CWH43: variants seen among roughly 807,000 people sequenced by gnomAD.
The protein encoded by CWH43 is PGAP2-interacting protein.
Under a neutral mutation model 85.7 loss-of-function variants are expected in CWH43, and 91 were observed. The ratio of observed to expected loss-of-function variants is 1.06; its 90% CI spans 0.90 to 1.26. The LOEUF (loss-of-function observed/expected upper bound fraction) is 1.26. Ranked by LOEUF, CWH43 falls within the 50% of genes most tolerant of loss-of-function variation. The pLI is 0.00. For missense variants in CWH43, 869 were observed against 839.2 expected (o/e 1.04, Z -0.44); for synonymous variants, 323 against 293.6 (o/e 1.10, Z -1.02).
At chr4:49,025,431 T>A (rs1283976980) in intron 9 of CWH43, among the ~76,000 whole-genome samples, 1 of 152,196 alleles carries the variant, frequency 6.6e-6, no homozygotes, top group Non-Finnish European at 1.5e-5. Context: ...AAGATCCTTG[T>A]TTTGCCATAT....
rs1784313611 is a variant in CWH43 at position 49,038,044 on chromosome 4, T to G, written c.1667T>G (p.Leu556Arg). ...ATTTTTACATTTTTTAGAGATGACC[T>G]CGACAGGAAACTGCAGGCTATTGCT... ...VTHFGNHEDD[L>R]DRKLQAIAVS... The change falls in exon 13 of 16, where the codon CTC becomes CGC. Residue 556 changes from leucine (L) to arginine (R), a missense_variant. This residue lies in a region of CWH43 where 577 missense variants were observed against 513.1 expected (regional missense o/e 1.12). Coordinates refer to ENST00000226432, the MANE Select transcript of CWH43 (RefSeq NM_025087.3). 1.3e-6 allele frequency: 2 copies of G among 1,598,562 alleles called. No individual in the cohort carries two copies. Among genetic ancestry groups the G allele is most frequent in the African/African-American group, 2.7e-5 (2 of 74,134 alleles).
At chr4:49,027,220 G>C (rs926113990) in intron 9 of CWH43, among the ~76,000 whole-genome samples, 1 of 152,174 alleles carries the variant, frequency 6.6e-6, no homozygotes, top group Non-Finnish European at 1.5e-5. Context: ...GAGATAAATG[G>C]ATAGACTTAG....
intron 15 of CWH43, among the ~76,000 whole-genome samples, chr4:49,051,859 G>A (rs1308645044): frequency 6.6e-6 from 1 of 152,192 alleles, no homozygotes; most frequent in African/African-American, 2.4e-5. Flanking sequence ...TTACAGGTGT[G>A]AGCCACCGTG....
At chr4:49,010,233 A>G (rs774707384) in intron 8 of CWH43, among the ~76,000 whole-genome samples, 26 of 152,084 alleles carry the variant, frequency 1.7e-4, no homozygotes, top group Non-Finnish European at 3.4e-4. Flanking sequence ...GAATTTATCA[A>G]TGTCTTCTAG....
intron 9 of CWH43, among the ~76,000 whole-genome samples, chr4:49,026,436 C>T (rs1783918823): frequency 2.0e-5 from 3 of 152,056 alleles, no homozygotes; most frequent in Admixed American, 1.3e-4. Flanking sequence ...TGTGGGTCTC[C>T]GTGTGCTGCT....
chr4:48,986,723 G>A, intron 1 of CWH43: 1 of 1,338,006 alleles, frequency 7.5e-7, no homozygotes, highest in Non-Finnish European at 9.6e-7. Flanking sequence ...GTTCCCAGCA[G>A]CCCTGGGATT....
chr4:49,016,559 A>G (rs1783554122), intron 8 of CWH43: 1 of 687,878 alleles, frequency 1.5e-6, no homozygotes, highest in Non-Finnish European at 2.7e-6. Flanking sequence ...CCTGGTCTCA[A>G]CCATTACAGG....
intron 9 of CWH43, among the ~76,000 whole-genome samples, chr4:49,020,628 C>T (rs1783722933): frequency 6.6e-6 from 1 of 152,074 alleles, no homozygotes; most frequent in Non-Finnish European, 1.5e-5. Flanking sequence ...TTTAAGGAAT[C>T]TCCACACTGT....
intron 12 of CWH43, among the ~76,000 whole-genome samples, chr4:49,035,986 C>G (rs775481806): frequency 2.6e-5 from 4 of 152,052 alleles, no homozygotes; most frequent in Non-Finnish European, 5.9e-5. Context: ...ACCCATGGAA[C>G]AAATAAGAGA....
At chr4:49,031,115 T>A in intron 11 of CWH43, 155 bp downstream of exon 11, 1 of 661,920 alleles carries the variant, frequency 1.5e-6, no homozygotes, top group Non-Finnish European at 2.4e-6. Context: ...GCACATTCTG[T>A]AATTTTTCAA....
chr4:49,043,666 A>AT (rs977858301), intron 13 of CWH43, among the ~76,000 whole-genome samples: 14 of 152,052 alleles, frequency 9.2e-5, no homozygotes, highest in Non-Finnish European at 1.5e-5. Flanking sequence ...TATTTTTAAA[A>AT]TTTTTTTGCA....
At chr4:49,020,638 T>A (rs562425505) in intron 9 of CWH43, among the ~76,000 whole-genome samples, 20 of 152,246 alleles carry the variant, frequency 1.3e-4, no homozygotes, top group African/African-American at 4.3e-4. Flanking sequence ...CTCCACACTG[T>A]TTTCCACAGT....
At chr4:49,058,283 A>G (rs1006662766) in intron 15 of CWH43, among the ~76,000 whole-genome samples, 1 of 152,110 alleles carries the variant, frequency 6.6e-6, no homozygotes, top group Non-Finnish European at 1.5e-5. Context: ...TGTAGATACT[A>G]TGAGTCTTAC....
chr4:49,030,785 G>A (rs774701371), intron 10 of CWH43, 40 bp from the exon 11 acceptor site: 2 of 1,500,382 alleles, frequency 1.3e-6, no homozygotes, highest in Non-Finnish European at 1.8e-6. Flanking sequence ...TTGCCTTGCT[G>A]TGATTCATCA....
chr4:49,029,849 G>A (rs192923605), intron 10 of CWH43, among the ~76,000 whole-genome samples: 5 of 152,276 alleles, frequency 3.3e-5, no homozygotes, highest in East Asian at 1.9e-4. Flanking sequence ...TTTTCCTGCC[G>A]ACCTTCTCCC....
At chr4:49,007,842 G>A (rs993129545) in intron 8 of CWH43, among the ~76,000 whole-genome samples, 1 of 152,168 alleles carries the variant, frequency 6.6e-6, no homozygotes, top group African/African-American at 2.4e-5. Flanking sequence ...TGGTGTATAT[G>A]TGCCACATTT....
At chr4:49,045,506 T>C (rs1024346332) in intron 14 of CWH43, among the ~76,000 whole-genome samples, 3 of 152,192 alleles carry the variant, frequency 2.0e-5, no homozygotes, top group Non-Finnish European at 4.4e-5. Flanking sequence ...ATTGTACCTT[T>C]TCTATGTTTA....
At chr4:49,051,632 A>AGT (rs1349701791) in intron 15 of CWH43, among the ~76,000 whole-genome samples, 1 of 152,152 alleles carries the variant, frequency 6.6e-6, no homozygotes, top group Non-Finnish European at 1.5e-5. Context: ...GCTGGAGTGC[A>AGT]GTGGCATGAT....
At position 48,994,823 on chromosome 4, in the gene CWH43, G is replaced by A. The variant is rs775126332; in HGVS notation, c.713+3G>A. 1.9e-6 allele frequency: 3 copies of A among 1,613,436 alleles called. No homozygotes were observed. Among genetic ancestry groups the A allele is most frequent in the South Asian group, 2.2e-5 (2 of 91,016 alleles). On this transcript the variant is annotated splice_donor_region_variant and intron_variant, in intron 5 of 15. Transcript: ENST00000226432. ...GGGCCAGATCCTAACCCATTTGGGT[G>A]AGTTTGGGTTTGGAAGCAATCACAA...
Sources: allele counts gnomAD v4.1 joint callset (sites outside exome capture counted in the v4.1 genomes callset), GRCh38; gene constraint gnomAD v4.1.1; regional missense constraint gnomAD v4.1.1; transcripts MANE v1.5; gene names NCBI Gene and HGNC (gene_info 2026-07-23, HGNC 2026-07-21).